The following RALGAPA2 variants were observed in gnomAD, a reference collection of about 807,000 sequenced individuals.
The protein encoded by RALGAPA2 is Ral GTPase activating protein catalytic subunit alpha 2.
In RALGAPA2, 139 loss-of-function variants were observed where a neutral mutation model predicts 230.4. That is an observed-to-expected ratio of 0.60 (90% CI 0.53 to 0.69). RALGAPA2 has a LOEUF of 0.69. RALGAPA2 is among the 30% of genes least tolerant of loss of function. The pLI is 0.00. For synonymous variants in RALGAPA2, 847 were observed against 837.8 expected, an observed-to-expected ratio of 1.01 and a Z score of -0.19; for missense variants, 2,163 against 2,276.0, an observed-to-expected ratio of 0.95 and a Z score of 1.01.
intron 3 of RALGAPA2, among the ~76,000 whole-genome samples, chr20:20,670,175 C>T (rs900513747): frequency 3.3e-5 from 5 of 152,180 alleles, no homozygotes; most frequent in Admixed American, 2.0e-4. Flanking sequence ...CCAGCACCTA[C>T]GTGTGTCTGA....
chr20:20,420,414 A>G (rs1175297841), intron 37 of RALGAPA2, among the ~76,000 whole-genome samples: 1 of 152,208 alleles, frequency 6.6e-6, no homozygotes, highest in Admixed American at 6.5e-5. Flanking sequence ...AAATATTTCA[A>G]TACCTTACTT....
intron 38 of RALGAPA2, among the ~76,000 whole-genome samples, chr20:20,409,648 A>G (rs897921719): frequency 1.3e-5 from 2 of 152,242 alleles, no homozygotes; most frequent in African/African-American, 4.8e-5. Context: ...AGAACATAAC[A>G]GTGTAAACAA....
rs2059761884 is a variant in RALGAPA2, at chr20:20,398,333, T to C, written c.5618-1599A>G. On this transcript the variant is annotated intron_variant, in intron 38 of 39. Coordinates refer to ENST00000202677, the MANE Select transcript of RALGAPA2 (RefSeq NM_020343.4). The surrounding 1 kb of genome is among the most constrained non-coding windows in gnomAD (Gnocchi z 4.5). ...GCGCAGCTAACAATGGAGGACTTGTTTGTAATTGCTGATGAGGACTGGGTT... is the reference window on the plus strand; with the variant it reads ...GCGCAGCTAACAATGGAGGACTTGTCTGTAATTGCTGATGAGGACTGGGTT... 6.6e-6 allele frequency among the ~76,000 whole-genome samples: 1 copy of C among 152,118 alleles called. No individual in the cohort carries two copies. The highest frequency in any genetic ancestry group is 1.5e-5 in the Non-Finnish European group (1 of 68,026).
intron 1 of RALGAPA2, among the ~76,000 whole-genome samples, chr20:20,700,272 T>C (rs2146977972): frequency 6.6e-6 from 1 of 152,080 alleles, no homozygotes; most frequent in South Asian, 2.1e-4. Flanking sequence ...CAAGGGGACA[T>C]GGCAATAAGA....
intron 36 of RALGAPA2, among the ~76,000 whole-genome samples, chr20:20,489,641 T>C (rs917881278): frequency 6.6e-5 from 10 of 152,050 alleles, no homozygotes; most frequent in African/African-American, 2.2e-4. Context: ...AAAATACTAC[T>C]GTAAAGATAA....
chr20:20,538,092 G>C (rs1212492194), intron 24 of RALGAPA2, among the ~76,000 whole-genome samples: 1 of 152,198 alleles, frequency 6.6e-6, no homozygotes, highest in Non-Finnish European at 1.5e-5. Context: ...GGTAGGTGAG[G>C]AGAGGCAAAT....
In RALGAPA2 at chr20:20,396,625, C is replaced by A. The variant is rs994864482; in HGVS notation, c.*35+70G>T. On this transcript the variant is annotated intron_variant, in intron 39 of 39. Coordinates refer to ENST00000202677, the MANE Select transcript of RALGAPA2 (RefSeq NM_020343.4). ...TGCAGGGTCCGCTACCGAGGGCAGC[C>A]GATTAGAAAAGTCCCACCCCCTCCC... is the stretch of plus-strand genomic sequence containing the variant. The A allele has an allele frequency of 6.3e-6, 9 of 1,419,918 alleles. No homozygotes were observed. The Middle Eastern group carries it at 7.1e-4, about 112-fold the overall frequency. The allele number at this position is 1,419,918 out of a possible 1,614,324, so 88.0% of individuals were successfully genotyped here. A position where few individuals can be genotyped will look rare whatever the true frequency, so the allele number is the denominator to read the frequency against.
intron 24 of RALGAPA2, among the ~76,000 whole-genome samples, chr20:20,545,337 G>GT (rs1276683437): frequency 6.6e-6 from 1 of 151,824 alleles, no homozygotes; most frequent in Non-Finnish European, 1.5e-5. Context: ...TCCTATAGCT[G>GT]TGACTATACA....
intron 37 of RALGAPA2, among the ~76,000 whole-genome samples, chr20:20,422,693 G>T (rs2060301304): frequency 6.6e-6 from 1 of 152,214 alleles, no homozygotes; most frequent in African/African-American, 2.4e-5. Context: ...GGATGGCCTG[G>T]CACAGCAAAA....
rs148840313 is a variant in RALGAPA2 at position 20,411,987 on chromosome 20, C to T, written c.5617+40G>A. 1.4e-5 allele frequency: 23 copies of T among 1,609,084 alleles called. No homozygotes were observed. In the East Asian group the frequency reaches 2.9e-4, roughly 20 times the overall value. On this transcript the variant is annotated intron_variant, in intron 38 of 39. Transcript: ENST00000202677. ...CAGGTGTACATCTGCTGCTCGAATG[C>T]GTCTTAAGCGCGTGAGAGAAGAATA...
intron 23 of RALGAPA2, among the ~76,000 whole-genome samples, chr20:20,568,631 C>T (rs2064525496): frequency 6.6e-6 from 1 of 152,104 alleles, no homozygotes; most frequent in African/African-American, 2.4e-5. Context: ...TACTTTTTAG[C>T]ATCTTATAAC....
At chr20:20,646,863 A>C (rs2067232081) in intron 4 of RALGAPA2, among the ~76,000 whole-genome samples, 4 of 151,582 alleles carry the variant, frequency 2.6e-5, no homozygotes, top group African/African-American at 9.7e-5. Flanking sequence ...GAAAAGAAAA[A>C]GGGTATACTT....
intron 38 of RALGAPA2, among the ~76,000 whole-genome samples, chr20:20,402,940 AGGCTG>A (rs2059877141): frequency 2.0e-5 from 3 of 152,102 alleles, no homozygotes; most frequent in African/African-American, 7.2e-5. Context: ...AGCTCTAAGG[AGGCTG>A]GGCTCCTTGT....
intron 23 of RALGAPA2, among the ~76,000 whole-genome samples, chr20:20,571,162 T>G (rs2064619467): frequency 6.6e-6 from 1 of 152,160 alleles, no homozygotes; most frequent in Admixed American, 6.5e-5. Flanking sequence ...AAAAAGTGGT[T>G]ATAATAGTAT....
intron 37 of RALGAPA2, among the ~76,000 whole-genome samples, chr20:20,466,142 T>C (rs1442950400): frequency 1.3e-5 from 2 of 152,240 alleles, no homozygotes; most frequent in East Asian, 3.9e-4. Context: ...GTGGTGACCG[T>C]GACAGCACAT....
chr20:20,675,215 T>C (rs981292176), intron 3 of RALGAPA2, among the ~76,000 whole-genome samples: 1 of 152,156 alleles, frequency 6.6e-6, no homozygotes, highest in African/African-American at 2.4e-5. Context: ...CAATAGCGAA[T>C]CAACATCTGT....
At chr20:20,661,108 C>A (rs959235354) in intron 3 of RALGAPA2, among the ~76,000 whole-genome samples, 1 of 152,008 alleles carries the variant, frequency 6.6e-6, no homozygotes, top group East Asian at 1.9e-4. Context: ...AGAAGAAGTA[C>A]AAAAGACATA....
At chr20:20,515,363 T>C (rs894356036) in intron 31 of RALGAPA2, among the ~76,000 whole-genome samples, 3 of 152,180 alleles carry the variant, frequency 2.0e-5, no homozygotes, top group South Asian at 2.1e-4. Flanking sequence ...GAATAGTGTG[T>C]AGAGATTCAC....
chr20:20,649,751 A>G (rs2067332232), intron 4 of RALGAPA2, among the ~76,000 whole-genome samples: 1 of 152,196 alleles, frequency 6.6e-6, no homozygotes, highest in African/African-American at 2.4e-5. Context: ...CAGAGCAGTA[A>G]GCCTTCTTAA....
Sources: gnomAD v4.1 joint callset for allele counts (sites outside exome capture counted in the v4.1 genomes callset) on GRCh38, gnomAD v4.1.1 for gene constraint, Gnocchi (gnomAD v3.1) non-coding constraint, MANE v1.5 for transcripts, NCBI Gene and HGNC (gene_info 2026-07-23, HGNC 2026-07-21) for gene names.